The following PEX5L variants were observed in gnomAD, a reference collection of about 807,000 sequenced individuals.
PEX5L encodes the protein peroxisomal biogenesis factor 5 like, also known as PEX5-related protein.
PEX5L carries 30 observed loss-of-function variants against 84.0 expected under a neutral mutation model. That is an observed-to-expected ratio of 0.36 (90% CI 0.27 to 0.48). The LOEUF is 0.48. Ranked by LOEUF, PEX5L falls within the 20% of genes least tolerant of loss-of-function variation. The pLI, the probability that PEX5L is intolerant of heterozygous loss-of-function variation, is 0.99. For synonymous variants in PEX5L, 270 were observed against 283.1 expected (o/e 0.95, Z 0.46); for missense variants, 533 against 754.6 (o/e 0.71, Z 3.44).
chr3:179,834,775 C>T (rs1366298551), intron 8 of PEX5L, among the ~76,000 whole-genome samples: 2 of 152,138 alleles, frequency 1.3e-5, no homozygotes, highest in African/African-American at 4.8e-5. Context: ...ATTGGAAAAG[C>T]TATGGGACTG....
At chr3:179,831,329 A>AC (rs1419508272) in intron 8 of PEX5L, among the ~76,000 whole-genome samples, 11 of 152,070 alleles carry the variant, frequency 7.2e-5, no homozygotes, top group African/African-American at 2.7e-4. Context: ...AAAAAAAAAA[A>AC]AAAAAACCTA....
chr3:180,030,446 A>C (rs527864421), intron 1 of PEX5L, among the ~76,000 whole-genome samples: 54 of 152,346 alleles, frequency 3.5e-4, no homozygotes, highest in African/African-American at 1.3e-3. Context: ...TTAACCCTCA[A>C]GGCTGTATAG....
intron 8 of PEX5L, among the ~76,000 whole-genome samples, chr3:179,824,350 G>T (rs1379246024): frequency 1.3e-5 from 2 of 152,094 alleles, no homozygotes. Flanking sequence ...ACTGTCACTG[G>T]ATCAAAACTT....
At chr3:179,812,348 A>G (rs936501157) in intron 10 of PEX5L, among the ~76,000 whole-genome samples, 1 of 152,210 alleles carries the variant, frequency 6.6e-6, no homozygotes, top group East Asian at 1.9e-4. Flanking sequence ...AGGAAAAGCA[A>G]AACAAACAAA....
intron 1 of PEX5L, chr3:179,974,174 G>C: frequency 1.1e-5 from 11 of 985,464 alleles, no homozygotes; most frequent in Non-Finnish European, 1.2e-5. Context: ...CAAAAAGCAA[G>C]TCCACAGCTT....
chr3:179,954,913 A>G (rs78713292), intron 2 of PEX5L, among the ~76,000 whole-genome samples: 6,555 of 152,060 alleles, frequency 0.043, 201 homozygotes, highest in Middle Eastern at 0.085. Flanking sequence ...CCCCACTTAC[A>G]AAGTGACTAA....
intron 2 of PEX5L, among the ~76,000 whole-genome samples, chr3:179,963,669 C>A (rs932797101): frequency 6.6e-6 from 1 of 152,088 alleles, no homozygotes; most frequent in African/African-American, 2.4e-5. Flanking sequence ...TGTAAAAAAG[C>A]AGAGATTAAT....
intron 8 of PEX5L, among the ~76,000 whole-genome samples, chr3:179,841,822 G>A (rs775597782): frequency 1.3e-5 from 2 of 152,270 alleles, no homozygotes; most frequent in Admixed American, 6.5e-5. Context: ...GAAACAGGAG[G>A]TGCCTTCTGT....
At chr3:179,916,786 C>T (rs1274857167) in intron 2 of PEX5L, among the ~76,000 whole-genome samples, 1 of 152,112 alleles carries the variant, frequency 6.6e-6, no homozygotes, top group Non-Finnish European at 1.5e-5. Flanking sequence ...TCTCCCACCT[C>T]AGCCTCCTGA....
At chr3:179,992,824 A>G (rs554912382) in intron 1 of PEX5L, among the ~76,000 whole-genome samples, 1 of 152,302 alleles carries the variant, frequency 6.6e-6, no homozygotes, top group Admixed American at 6.5e-5. Context: ...TTTATGAAGA[A>G]GACTTCATAA....
At position 179,813,257 on chromosome 3, in the gene PEX5L, C is replaced by G. The variant is rs144018081; in HGVS notation, c.1084-1386G>C. 1.8e-4 allele frequency among the ~76,000 whole-genome samples: 27 copies of G among 152,114 alleles called. No individual in the cohort carries two copies. The East Asian group carries it at 5.2e-3, about 29-fold the overall frequency. On this transcript the variant is annotated intron_variant, in intron 10 of 14. Transcript: ENST00000467460. ...TTGAGGTCTCCATAGGTTCAGAAGCCCTGGGTCCTTGTCTGGAATTTGTTA... is the reference window on the plus strand; with the variant it reads ...TTGAGGTCTCCATAGGTTCAGAAGCGCTGGGTCCTTGTCTGGAATTTGTTA...
At chr3:179,881,560 T>A (rs1050203438) in intron 4 of PEX5L, 9 of 152,218 alleles carry the variant, frequency 5.9e-5, no homozygotes, top group Non-Finnish European at 1.3e-4. Flanking sequence ...GTATGTAAAG[T>A]GCCAGGCATA....
intron 8 of PEX5L, among the ~76,000 whole-genome samples, chr3:179,826,957 G>A (rs1730722030): frequency 6.6e-6 from 1 of 152,154 alleles, no homozygotes. Flanking sequence ...AAAAATAGTG[G>A]TAACTGTAAT....
At chr3:180,002,031 T>G (rs1788468818) in intron 1 of PEX5L, among the ~76,000 whole-genome samples, 1 of 152,204 alleles carries the variant, frequency 6.6e-6, no homozygotes, top group African/African-American at 2.4e-5. Context: ...TCAACTATAC[T>G]TCAAGAACAA....
At chr3:179,851,855 A>G (rs1742027428) in intron 8 of PEX5L, among the ~76,000 whole-genome samples, 1 of 152,204 alleles carries the variant, frequency 6.6e-6, no homozygotes, top group African/African-American at 2.4e-5. Flanking sequence ...CAGAGAGGAC[A>G]AGCTTAGAAC....
At chr3:179,984,843 T>C (rs12107616) in intron 1 of PEX5L, among the ~76,000 whole-genome samples, 12,954 of 152,204 alleles carry the variant, frequency 0.085, 900 homozygotes, top group African/African-American at 0.2. Flanking sequence ...ATTTGAGTTA[T>C]ATCCTTTAAT....
At chr3:179,833,163 G>C (rs1733766969) in intron 8 of PEX5L, among the ~76,000 whole-genome samples, 3 of 152,204 alleles carry the variant, frequency 2.0e-5, no homozygotes, top group Admixed American at 1.3e-4. Flanking sequence ...GGTTTAGCCT[G>C]TATGATTACA....
At chr3:179,938,708 C>A (rs930845619) in intron 2 of PEX5L, among the ~76,000 whole-genome samples, 2 of 152,206 alleles carry the variant, frequency 1.3e-5, no homozygotes, top group African/African-American at 4.8e-5. Context: ...TGAATGTTGG[C>A]TATAACCTGT....
At chr3:179,940,021 C>A (rs1775635392) in intron 2 of PEX5L, among the ~76,000 whole-genome samples, 1 of 152,184 alleles carries the variant, frequency 6.6e-6, no homozygotes, top group African/African-American at 2.4e-5. Context: ...GGCTCCTCAG[C>A]ATTACATGAG....
Sources: allele counts gnomAD v4.1 joint callset (sites outside exome capture counted in the v4.1 genomes callset), GRCh38; gene constraint gnomAD v4.1.1; transcripts MANE v1.5; gene names NCBI Gene and HGNC (gene_info 2026-07-23, HGNC 2026-07-21).